The following SLC35F4 variants were observed in gnomAD, a reference collection of about 807,000 sequenced individuals.
SLC35F4 encodes the protein chromosome 14 open reading frame 36.
In SLC35F4, 24 loss-of-function variants were observed where a neutral mutation model predicts 44.2. The observed-to-expected ratio is 0.54, with a 90% CI of 0.39 to 0.76. SLC35F4 has a LOEUF of 0.76. Ranked by LOEUF, SLC35F4 falls within the 30% of genes least tolerant of loss-of-function variation. The pLI is 0.00. For missense variants in SLC35F4, 562 were observed against 586.1 expected, an observed-to-expected ratio of 0.96 and a Z score of 0.42; for synonymous variants, 238 against 223.6, an observed-to-expected ratio of 1.06 and a Z score of -0.57.
intron 1 of SLC35F4, among the ~76,000 whole-genome samples, chr14:57,677,659 G>C (rs2074742795): frequency 6.6e-6 from 1 of 151,912 alleles, no homozygotes; most frequent in Non-Finnish European, 1.5e-5. Context: ...CAAATGAGAT[G>C]ACTAATGATT....
intron 1 of SLC35F4, among the ~76,000 whole-genome samples, chr14:57,701,364 T>C (rs1296205919): frequency 6.6e-6 from 1 of 152,184 alleles, no homozygotes; most frequent in African/African-American, 2.4e-5. Context: ...GAGGGTGTTT[T>C]ACAGTTAAAT....
chr14:57,595,654 C>G (rs1459448872), intron 1 of SLC35F4: 1 of 152,170 alleles, frequency 6.6e-6, no homozygotes, highest in East Asian at 1.9e-4. Context: ...GGGTTATGAT[C>G]AAACCTGCAT....
At chr14:57,869,211 T>TA (rs1555399042), upstream of SLC35F4, among the ~76,000 whole-genome samples, 10,503 of 151,054 alleles carry the variant, frequency 0.07, 440 homozygotes, top group Middle Eastern at 0.14. Flanking sequence ...TTTTTTTTTT[T>TA]AAAAAAAGCC....
At chr14:57,903,414 T>G (rs1184225282) in intron 1 of SLC35F4, among the ~76,000 whole-genome samples, 2 of 152,208 alleles carry the variant, frequency 1.3e-5, no homozygotes, top group African/African-American at 2.4e-5. Flanking sequence ...CTTAGCAAGA[T>G]TCTTGATAAC....
At chr14:57,733,852 T>A (rs922569872) in intron 1 of SLC35F4, among the ~76,000 whole-genome samples, 4 of 152,160 alleles carry the variant, frequency 2.6e-5, no homozygotes, top group African/African-American at 9.7e-5. Flanking sequence ...GCCATTTAGT[T>A]TCCAAAAGAA....
At chr14:57,610,059 T>C (rs1194005848) in intron 1 of SLC35F4, among the ~76,000 whole-genome samples, 1 of 152,214 alleles carries the variant, frequency 6.6e-6, no homozygotes, top group Non-Finnish European at 1.5e-5. Flanking sequence ...TCCTTGTCAC[T>C]ATTTGTTTTG....
At chr14:57,736,969 G>A (rs981188999) in intron 1 of SLC35F4, among the ~76,000 whole-genome samples, 1 of 151,960 alleles carries the variant, frequency 6.6e-6, no homozygotes, top group African/African-American at 2.4e-5. Context: ...ATAAATCAAT[G>A]ATTAGTATCT....
Position 57,865,770 on chromosome 14 carries a change from C to G in SLC35F4, c.56G>C (p.Arg19Pro). ...ATAATAGCCATAGTAGCCGGTGATC[C>G]GCAGGATCCGGTCCTCGATAGTGGC... ...GVATIEDRIL[R>P]ITGYYGYYPG... Residue 19 changes from arginine to proline, a missense_variant, in exon 1 of 8, where the codon CGG becomes CCG. By Grantham distance (103) the Arg-to-Pro change is moderately radical. Coordinates refer to ENST00000556826, the MANE Select transcript of SLC35F4 (RefSeq NM_001306087.2). The G allele has an allele frequency of 6.6e-7, 1 of 1,523,742 alleles. No individual in the cohort carries two copies. The highest frequency in any genetic ancestry group is 1.2e-5 in the South Asian group (1 of 81,890). 94.4% of individuals were successfully genotyped at this position (1,523,742 alleles called of 1,614,324 possible).
rs1422345293 is a variant in SLC35F4 at position 57,675,593 on chromosome 14, G to T, written c.104-81469C>A. ...AAGTGGGCATCCTTGTCTTGTTCCA[G>T]TTCTCAGGGGCAATGCTTTCAGCTT... On this transcript the variant is annotated intron_variant, in intron 1 of 7. Coordinates refer to ENST00000556826, the MANE Select transcript of SLC35F4 (RefSeq NM_001306087.2). Among the ~76,000 whole-genome samples the T allele has an allele frequency of 7.2e-5, 11 of 152,032 alleles. No homozygotes were observed. In the East Asian group the frequency reaches 2.1e-3, roughly 29 times the overall value.
intron 1 of SLC35F4, among the ~76,000 whole-genome samples, chr14:57,614,160 A>C (rs997770209): frequency 6.7e-6 from 1 of 149,428 alleles, no homozygotes; most frequent in African/African-American, 2.4e-5. Flanking sequence ...AATACTGTAC[A>C]TTTGCAGTGG....
chr14:57,902,934 C>A (rs808211), intron 1 of SLC35F4, among the ~76,000 whole-genome samples: 71,141 of 151,944 alleles, frequency 0.47, 17,119 homozygotes, highest in East Asian at 0.62. Context: ...ACCCTTTCTA[C>A]ACAACACATC....
intron 1 of SLC35F4, among the ~76,000 whole-genome samples, chr14:57,794,822 G>A (rs2078016988): frequency 6.6e-6 from 1 of 152,024 alleles, no homozygotes; most frequent in African/African-American, 2.4e-5. Flanking sequence ...TGCTTCATGA[G>A]TCCAAGTAAA....
chr14:57,851,544 C>T (rs1485910292), intron 1 of SLC35F4, among the ~76,000 whole-genome samples: 1 of 152,116 alleles, frequency 6.6e-6, no homozygotes, highest in Non-Finnish European at 1.5e-5. Context: ...CAATTTAATC[C>T]TTAGTCACCT....
At chr14:57,889,412 C>A (rs1332900612) in intron 1 of SLC35F4, among the ~76,000 whole-genome samples, 1 of 152,224 alleles carries the variant, frequency 6.6e-6, no homozygotes, top group Non-Finnish European at 1.5e-5. Flanking sequence ...TGTGACCCAG[C>A]CGAACAGTGC....
At chr14:57,972,137 T>A (rs190552339), downstream of SLC35F4, among the ~76,000 whole-genome samples, 2 of 152,236 alleles carry the variant, frequency 1.3e-5, no homozygotes, top group East Asian at 3.9e-4. Flanking sequence ...AGGACTGGAT[T>A]ACAGTGAAAG....
chr14:57,893,267 G>T (rs2141040314), intron 1 of SLC35F4, among the ~76,000 whole-genome samples: 1 of 152,234 alleles, frequency 6.6e-6, no homozygotes, highest in East Asian at 1.9e-4. Context: ...GAAGCTATGG[G>T]TCGATATATT....
intron 1 of SLC35F4, among the ~76,000 whole-genome samples, chr14:57,934,588 TTGGCCAGAAGTAAG>T (rs1889761484): frequency 2.0e-5 from 3 of 151,952 alleles, no homozygotes. Context: ...CAAGCAAGGC[TTGGCCAGAAGTAAG>T]TGGCCAGAAA....
At chr14:57,947,600 G>T (rs550168935) in intron 1 of SLC35F4, among the ~76,000 whole-genome samples, 1 of 152,168 alleles carries the variant, frequency 6.6e-6, no homozygotes, top group South Asian at 2.1e-4. Context: ...TCTTTGACTT[G>T]TTCCAGTTCT....
chr14:57,747,575 T>C lies in SLC35F4; in HGVS notation c.103+118148A>G, dbSNP rs76826198. 1.3e-4 allele frequency among the ~76,000 whole-genome samples: 20 copies of C among 152,290 alleles called. No individual in the cohort carries two copies. In the East Asian group the frequency reaches 3.5e-3, roughly 26 times the overall value. On this transcript the variant is annotated intron_variant, in intron 1 of 7. Transcript: ENST00000556826. ...GCAACCCTTGGGCAATCTTGCTCCA[T>C]CTATTCTGCTAACTACTTCCCTGCT...
Sources: gnomAD v4.1 joint callset for allele counts (sites outside exome capture counted in the v4.1 genomes callset) on GRCh38, gnomAD v4.1.1 for gene constraint, MANE v1.5 for transcripts, NCBI Gene and HGNC (gene_info 2026-07-23, HGNC 2026-07-21) for gene names.